Variants in TOX observed in about 807,000 individuals in gnomAD.
TOX encodes thymocyte selection associated high mobility group box.
Under a neutral mutation model 53.7 loss-of-function variants are expected in TOX, and 11 were observed. That is an observed-to-expected ratio of 0.20 (90% confidence interval 0.13 to 0.34). TOX has a LOEUF of 0.34. Among genes scored for constraint, TOX ranks in the 10% least tolerant of loss-of-function variants. The pLI is 1.00. For synonymous variants in TOX, 225 were observed against 245.3 expected, an observed-to-expected ratio of 0.92 and a Z score of 0.77; for missense variants, 570 against 664.6, an observed-to-expected ratio of 0.86 and a Z score of 1.56.
intron 1 of TOX, among the ~76,000 whole-genome samples, chr8:59,104,519 T>C (rs1804862437): frequency 6.6e-6 from 1 of 152,206 alleles, no homozygotes. Flanking sequence ...CTCTCTCTGA[T>C]AATCAGAACT....
chr8:59,092,491 G>C (rs1398876398), intron 1 of TOX, among the ~76,000 whole-genome samples: 1 of 150,702 alleles, frequency 6.6e-6, no homozygotes, highest in East Asian at 1.9e-4. Context: ...ACGGAAGCCA[G>C]AGTAATCTCT....
chr8:58,996,914 A>G (rs1277137222), intron 1 of TOX, among the ~76,000 whole-genome samples: 1 of 152,160 alleles, frequency 6.6e-6, no homozygotes, highest in Non-Finnish European at 1.5e-5. Flanking sequence ...TCCCCATTTC[A>G]GCCTCCTCTA....
chr8:58,810,514 T>C (rs1810059401), intron 7 of TOX, among the ~76,000 whole-genome samples: 1 of 152,010 alleles, frequency 6.6e-6, no homozygotes, highest in Non-Finnish European at 1.5e-5. Context: ...TAAATTTTTT[T>C]TGGTGTGCGT....
chr8:58,838,851 G>A (rs914567182), intron 4 of TOX, among the ~76,000 whole-genome samples: 9 of 151,656 alleles, frequency 5.9e-5, no homozygotes, highest in Non-Finnish European at 2.9e-5. Context: ...ACAGACGCGC[G>A]CCACCACACC....
intron 1 of TOX, among the ~76,000 whole-genome samples, chr8:58,984,963 C>T (rs1359923070): frequency 6.6e-6 from 1 of 151,134 alleles, no homozygotes; most frequent in East Asian, 1.9e-4. Context: ...AATTTAACCT[C>T]TGGGTATATA....
At chr8:59,021,500 G>A (rs454355) in intron 1 of TOX, among the ~76,000 whole-genome samples, 106,054 of 120,320 alleles carry the variant, frequency 0.88, 47,096 homozygotes, top group East Asian at 1. Context: ...ATATATATAT[G>A]CACATATATA....
intron 1 of TOX, among the ~76,000 whole-genome samples, chr8:58,996,229 G>T (rs563672960): frequency 5.3e-5 from 8 of 152,312 alleles, no homozygotes; most frequent in African/African-American, 1.7e-4. Context: ...CCACAAGGAA[G>T]ACTTCACAAT....
chr8:59,076,414 C>T (rs1276508769), intron 1 of TOX, among the ~76,000 whole-genome samples: 2 of 152,136 alleles, frequency 1.3e-5, no homozygotes, highest in African/African-American at 4.8e-5. Flanking sequence ...CTGGCTTTGC[C>T]TATATGCTGA....
At chr8:58,901,880 G>A (rs112102861) in intron 3 of TOX, among the ~76,000 whole-genome samples, 2,340 of 152,206 alleles carry the variant, frequency 0.015, 54 homozygotes, top group African/African-American at 0.054. Context: ...TTACAAAAAG[G>A]TATAGGTATA....
intron 2 of TOX, among the ~76,000 whole-genome samples, chr8:58,951,499 C>T (rs1475892732): frequency 1.3e-5 from 2 of 151,930 alleles, no homozygotes; most frequent in Non-Finnish European, 1.5e-5. Context: ...AAACTTTGCA[C>T]CCATAGTACA....
At chr8:59,089,635 G>C (rs1264966852) in intron 1 of TOX, among the ~76,000 whole-genome samples, 1 of 152,204 alleles carries the variant, frequency 6.6e-6, no homozygotes, top group African/African-American at 2.4e-5. Flanking sequence ...CTGTCACCTA[G>C]GCTGGACGGC....
intron 1 of TOX, among the ~76,000 whole-genome samples, chr8:59,092,265 T>TTATATA (rs201625696): frequency 0.63 from 56,715 of 89,624 alleles, 17,915 homozygotes; most frequent in South Asian, 0.76. Flanking sequence ...TATATATATT[T>TTATATA]TATATATATA....
rs114443511 is a variant in TOX at position 58,854,678 on chromosome 8, G to C, written c.412-2873C>G. Reference sequence around the variant, plus strand: ...TGGTGTTAGGTCAGGCAGACAGCTTGAATACCAAATCAAAGCACTCTTTTC... The same window carrying C: ...TGGTGTTAGGTCAGGCAGACAGCTTCAATACCAAATCAAAGCACTCTTTTC... On this transcript the variant is annotated intron_variant, in intron 3 of 8. Coordinates refer to ENST00000361421, the MANE Select transcript of TOX (RefSeq NM_014729.3). 3.0e-3 allele frequency among the ~76,000 whole-genome samples: 460 copies of C among 152,218 alleles called. 1 individual carries two copies. Among genetic ancestry groups the C allele is most frequent in the African/African-American group, 0.011 (439 of 41,534 alleles).
intron 4 of TOX, among the ~76,000 whole-genome samples, chr8:58,848,133 G>A (rs1034990720): frequency 7.2e-5 from 11 of 151,974 alleles, no homozygotes; most frequent in Non-Finnish European, 1.2e-4. Context: ...TAAATTGAAC[G>A]GAAGGTGTAT....
chr8:58,890,640 G>A (rs948545115), intron 3 of TOX, among the ~76,000 whole-genome samples: 2 of 152,152 alleles, frequency 1.3e-5, no homozygotes, highest in Admixed American at 1.3e-4. Flanking sequence ...TTAGGCATTG[G>A]TAGGTAGAAG....
At chr8:58,993,481 C>T (rs188534064) in intron 1 of TOX, among the ~76,000 whole-genome samples, 3 of 152,302 alleles carry the variant, frequency 2.0e-5, no homozygotes, top group Non-Finnish European at 2.9e-5. Context: ...TTGCGCCAGA[C>T]TGGGAAAAGT....
At position 58,838,072 on chromosome 8, in the gene TOX, A is replaced by C. The variant is rs1160589498; in HGVS notation, c.924+9T>G. 6.2e-7 allele frequency: 1 copy of C among 1,612,496 alleles called. No homozygotes were observed. Among genetic ancestry groups the C allele is most frequent in the Admixed American group, 1.7e-5 (1 of 59,950 alleles). ...TATGTAGATTCCCATTCCACTGGGAATCCCTTACCTGTTTTTGCTCTTCTC... is the reference window on the plus strand; with the variant it reads ...TATGTAGATTCCCATTCCACTGGGACTCCCTTACCTGTTTTTGCTCTTCTC... On this transcript the variant is annotated intron_variant, in intron 5 of 8. Transcript: ENST00000361421.
chr8:59,086,732 G>A (rs1013775775), intron 1 of TOX, among the ~76,000 whole-genome samples: 3 of 152,116 alleles, frequency 2.0e-5, no homozygotes, highest in Admixed American at 1.3e-4. Context: ...TAAATTTCTC[G>A]GCTTGATAGC....
chr8:58,818,426 A>G (rs1810216672), intron 6 of TOX, among the ~76,000 whole-genome samples: 1 of 152,212 alleles, frequency 6.6e-6, no homozygotes, highest in Admixed American at 6.5e-5. Context: ...TAACGTATCC[A>G]GCCTTGTGCC....
Sources: gnomAD v4.1 joint callset for allele counts (sites outside exome capture counted in the v4.1 genomes callset) on GRCh38, gnomAD v4.1.1 for gene constraint, MANE v1.5 for transcripts, NCBI Gene and HGNC (gene_info 2026-07-23, HGNC 2026-07-21) for gene names.